FGF14: variants seen among roughly 807,000 people sequenced by gnomAD.
FGF14 encodes fibroblast growth factor homologous factor 4.
FGF14 carries 5 observed loss-of-function variants against 25.5 expected under a neutral mutation model. That is an observed-to-expected ratio of 0.20 (90% confidence interval 0.10 to 0.41). The LOEUF (loss-of-function observed/expected upper bound fraction) is 0.41, where lower values mean the gene tolerates loss of function less well. FGF14 is among the 10% of genes least tolerant of loss of function. The pLI is 1.00. For synonymous variants in FGF14, 138 were observed against 118.3 expected (o/e 1.17, Z -1.08); for missense variants, 222 against 320.1 (o/e 0.69, Z 2.34).
chr13:102,250,957 G>T (rs532099495), intron 1 of FGF14, among the ~76,000 whole-genome samples: 1 of 152,186 alleles, frequency 6.6e-6, no homozygotes, highest in South Asian at 2.1e-4. Context: ...ACCTCATTGA[G>T]AAATTAAGCA....
chr13:102,390,534 G>T (rs547031491), intron 1 of FGF14, among the ~76,000 whole-genome samples: 6 of 152,294 alleles, frequency 3.9e-5, no homozygotes, highest in African/African-American at 1.4e-4. Context: ...ATGTATTCTG[G>T]AGTCAGATTA....
intron 1 of FGF14, among the ~76,000 whole-genome samples, chr13:101,963,151 C>G (rs566275766): frequency 1.3e-5 from 2 of 152,356 alleles, no homozygotes; most frequent in South Asian, 4.1e-4. Context: ...AATCCAAATA[C>G]TTAAGGAGAG....
chr13:102,060,418 C>T (rs1037076214), intron 1 of FGF14, among the ~76,000 whole-genome samples: 4 of 151,892 alleles, frequency 2.6e-5, no homozygotes, highest in Admixed American at 6.6e-5. Context: ...CCCAGCCACG[C>T]GGGAGGCTGA....
intron 3 of FGF14, among the ~76,000 whole-genome samples, chr13:101,745,440 C>T (rs573216336): frequency 5.9e-5 from 9 of 152,096 alleles, no homozygotes; most frequent in Middle Eastern, 3.4e-3. Flanking sequence ...TATAAAGTCA[C>T]GCATTACTAT....
chr13:102,360,975 G>A (rs2057548450), intron 1 of FGF14, among the ~76,000 whole-genome samples: 1 of 151,980 alleles, frequency 6.6e-6, no homozygotes, highest in Admixed American at 6.6e-5. Context: ...TCATTTGAAG[G>A]TAATTCTAAA....
At position 101,875,177 on chromosome 13, in the gene FGF14, G is replaced by T; in HGVS notation, c.304+9C>A. The T allele has an allele frequency of 1.3e-6, 2 of 1,592,540 alleles. No homozygotes were observed. The highest frequency in any genetic ancestry group is 1.7e-6 in the Non-Finnish European group (2 of 1,160,528). On this transcript the variant is annotated intron_variant, in intron 2 of 4. Transcript: ENST00000376143. ...ACTATGTAACTGGTGGCCTGAGGTT[G>T]TCACTTACTAGAATTAGTGCTGTCA...
At chr13:101,858,716 G>A (rs2044254236) in intron 3 of FGF14, among the ~76,000 whole-genome samples, 1 of 152,086 alleles carries the variant, frequency 6.6e-6, no homozygotes, top group African/African-American at 2.4e-5. Context: ...AATGCAAACT[G>A]CAGTGATGTT....
intron 1 of FGF14, among the ~76,000 whole-genome samples, chr13:102,397,740 T>C (rs1005035128): frequency 6.6e-6 from 1 of 152,186 alleles, no homozygotes; most frequent in African/African-American, 2.4e-5. Flanking sequence ...CCACACTTCT[T>C]TCCTTAGTAC....
intron 1 of FGF14, among the ~76,000 whole-genome samples, chr13:102,265,078 CA>C (rs1162040137): frequency 6.6e-6 from 1 of 152,110 alleles, no homozygotes; most frequent in African/African-American, 2.4e-5. Context: ...AAAAGAAATT[CA>C]ATTCATAACC....
At chr13:101,881,135 C>T (rs1024700355) in intron 1 of FGF14, among the ~76,000 whole-genome samples, 1 of 152,214 alleles carries the variant, frequency 6.6e-6, no homozygotes, top group Non-Finnish European at 1.5e-5. Flanking sequence ...TGACCCTTAT[C>T]TCCAAGGAAC....
intron 1 of FGF14, among the ~76,000 whole-genome samples, chr13:101,948,386 T>A (rs1209106119): frequency 6.6e-6 from 1 of 151,870 alleles, no homozygotes; most frequent in Non-Finnish European, 1.5e-5. Flanking sequence ...AGGGAATAGA[T>A]GTGGTTGAAA....
At chr13:102,060,990 C>T (rs1241136469) in intron 1 of FGF14, among the ~76,000 whole-genome samples, 1 of 152,192 alleles carries the variant, frequency 6.6e-6, no homozygotes, top group Admixed American at 6.5e-5. Flanking sequence ...AATGCGGACG[C>T]CTAGGGGAGT....
chr13:102,117,198 G>A (rs2045512627), intron 1 of FGF14, among the ~76,000 whole-genome samples: 1 of 152,144 alleles, frequency 6.6e-6, no homozygotes, highest in East Asian at 1.9e-4. Flanking sequence ...CCCAGTCTTT[G>A]CAGGGACTAT....
chr13:101,845,125 CAAT>C (rs1233216726), intron 3 of FGF14, among the ~76,000 whole-genome samples: 4 of 151,952 alleles, frequency 2.6e-5, no homozygotes, highest in African/African-American at 9.7e-5. Flanking sequence ...AGAAAATAGA[CAAT>C]AATACAGTAC....
chr13:102,141,025 C>A (rs1299700174), intron 1 of FGF14, among the ~76,000 whole-genome samples: 1 of 152,208 alleles, frequency 6.6e-6, no homozygotes, highest in African/African-American at 2.4e-5. Flanking sequence ...CTTTCCCATT[C>A]TTAACTCACC....
At chr13:102,018,628 C>A (rs1221350530) in intron 1 of FGF14, among the ~76,000 whole-genome samples, 3 of 151,932 alleles carry the variant, frequency 2.0e-5, no homozygotes, top group Admixed American at 6.6e-5. Flanking sequence ...GAGGTCTCTT[C>A]TTCTTCTTCC....
intron 1 of FGF14, among the ~76,000 whole-genome samples, chr13:102,335,017 T>C (rs1027088971): frequency 4.6e-5 from 7 of 152,164 alleles, no homozygotes; most frequent in Non-Finnish European, 1.0e-4. Context: ...TCTGCTTTTT[T>C]CCCGTCTATA....
At chr13:102,020,697 C>T (rs1216564814) in intron 1 of FGF14, among the ~76,000 whole-genome samples, 1 of 152,054 alleles carries the variant, frequency 6.6e-6, no homozygotes, top group African/African-American at 2.4e-5. Flanking sequence ...TTGGTCATAA[C>T]AAATTAACAT....
intron 1 of FGF14, among the ~76,000 whole-genome samples, chr13:102,399,361 G>T: frequency 6.6e-6 from 1 of 152,182 alleles, no homozygotes; most frequent in South Asian, 2.1e-4. Flanking sequence ...AAATGTTTTT[G>T]CACTATTCCT....
Sources: gnomAD v4.1 joint callset for allele counts (sites outside exome capture counted in the v4.1 genomes callset) on GRCh38, gnomAD v4.1.1 for gene constraint, MANE v1.5 for transcripts, NCBI Gene and HGNC (gene_info 2026-07-23, HGNC 2026-07-21) for gene names.